The following MYH9 variants were observed in gnomAD, a reference collection of about 807,000 sequenced individuals.
MYH9 encodes the protein myosin-9.
A neutral mutation model predicts 241.9 loss-of-function variants in MYH9; 29 were observed. The ratio of observed to expected loss-of-function variants is 0.12; its 90% CI spans 0.09 to 0.16. MYH9 has a LOEUF of 0.16. MYH9 is among the 10% of genes least tolerant of loss of function. The pLI is 1.00. For missense variants in MYH9, 1,803 were observed against 2,595.5 expected (o/e 0.69, Z 6.63); for synonymous variants, 1,047 against 1,062.6 (o/e 0.99, Z 0.29).
chr22:36,305,226 C>T lies in MYH9; in HGVS notation c.2160-124G>A, dbSNP rs2016949745. ...AGACACAGAATTCTTTACACAAACT[C>T]TCCTAAGGAAAGAAGACACAGGCAA... On this transcript the variant is annotated intron_variant, in intron 17 of 40. Transcript: ENST00000216181. The surrounding 1 kb of genome is among the most constrained non-coding windows in gnomAD (Gnocchi z 4.7). 1.1e-6 allele frequency: 1 copy of T among 884,072 alleles called. No homozygotes were observed. Among genetic ancestry groups the T allele is most frequent in the Non-Finnish European group, 1.8e-6 (1 of 541,818 alleles). 54.8% of individuals were successfully genotyped at this position (884,072 alleles called of 1,614,324 possible).
chr22:36,324,354 G>A (rs753268111), intron 5 of MYH9, among the ~76,000 whole-genome samples: 7 of 152,248 alleles, frequency 4.6e-5, no homozygotes, highest in Admixed American at 1.3e-4. Flanking sequence ...GGTACTGTAT[G>A]AGGTTTGGGG....
chr22:36,288,152 C>T lies in MYH9; in HGVS notation c.4932+100G>A. On this transcript the variant is annotated intron_variant, in intron 34 of 40. Coordinates refer to ENST00000216181, the MANE Select transcript of MYH9 (RefSeq NM_002473.6). This position sits in a 1 kb window ranked among gnomAD's most constrained non-coding sequence, Gnocchi z 4.8. ...CCCAGGACCTTCCCAGGAGGTGCCA[C>T]CCTGCCAGGTTCCCGCCCTGGGCCG... The T allele has an allele frequency of 2.7e-6, 4 of 1,475,424 alleles. No individual in the cohort carries two copies. The highest frequency in any genetic ancestry group is 3.7e-6 in the Non-Finnish European group (4 of 1,069,434). 91.4% of individuals were successfully genotyped at this position (1,475,424 alleles called of 1,614,324 possible). A position where few individuals can be genotyped will look rare whatever the true frequency, so the allele number is the denominator to read the frequency against.
In MYH9 at chr22:36,374,652, C is replaced by T. The variant is rs539875742; in HGVS notation, c.-20+13155G>A. ...GGCCACACAACCAGAGGGCGCAGGC[C>T]GCGTTCCCAGCATCCACCCCCAAGG... On this transcript the variant is annotated intron_variant, in intron 1 of 40. Coordinates refer to ENST00000216181, the MANE Select transcript of MYH9 (RefSeq NM_002473.6). 5.9e-5 allele frequency among the ~76,000 whole-genome samples: 9 copies of T among 152,238 alleles called. No individual in the cohort carries two copies. The South Asian group carries it at 6.2e-4, about 10-fold the overall frequency.
intron 7 of MYH9, 110 bp from the exon 8 acceptor site, chr22:36,321,006 G>A (rs531558830): frequency 2.3e-5 from 19 of 820,678 alleles, no homozygotes; most frequent in Non-Finnish European, 3.0e-5. Context: ...AGGTTGGAGT[G>A]CAGTGGCATG....
Position 36,285,094 on chromosome 22 carries a change from G to C in MYH9, c.5483+27C>G, listed in dbSNP as rs760767473. The C allele has an allele frequency of 6.2e-6, 10 of 1,609,506 alleles. No individual in the cohort carries two copies. In the East Asian group the frequency reaches 1.8e-4, roughly 29 times the overall value. On this transcript the variant is annotated intron_variant, in intron 38 of 40. Transcript: ENST00000216181. This position sits in a 1 kb window ranked among gnomAD's most constrained non-coding sequence, Gnocchi z 7.0. ...GCCAGAGTTTTTTCCAGGACAGCTGGGGTTGGGCGGGGCCAGGGGCACGTA... is the reference window on the plus strand; with the variant it reads ...GCCAGAGTTTTTTCCAGGACAGCTGCGGTTGGGCGGGGCCAGGGGCACGTA...
At position 36,305,211 on chromosome 22, in the gene MYH9, T is replaced by C; in HGVS notation, c.2160-109A>G. On this transcript the variant is annotated intron_variant, in intron 17 of 40. Coordinates refer to ENST00000216181, the MANE Select transcript of MYH9 (RefSeq NM_002473.6). This position sits in a 1 kb window ranked among gnomAD's most constrained non-coding sequence, Gnocchi z 4.7. ...TTTCTACAATGCAACAGACACAGAA[T>C]TCTTTACACAAACTCTCCTAAGGAA... 2 of 984,982 alleles carry C rather than the reference T, an allele frequency of 2.0e-6. No individual in the cohort carries two copies. The highest frequency in any genetic ancestry group is 3.2e-6 in the Non-Finnish European group (2 of 625,662). The allele number at this position is 984,982 out of a possible 1,614,324, so 61.0% of individuals were successfully genotyped here.
At chr22:36,325,102 C>T (rs769584080) in intron 5 of MYH9, 2 of 774,014 alleles carry the variant, frequency 2.6e-6, no homozygotes, top group Non-Finnish European at 4.8e-6. Context: ...AACCTCACAG[C>T]TCTGTTTTTA....
At chr22:36,357,873 A>C (rs1023548065) in intron 1 of MYH9, among the ~76,000 whole-genome samples, 7 of 152,216 alleles carry the variant, frequency 4.6e-5, no homozygotes, top group Admixed American at 3.9e-4. Context: ...TGAATACCCA[A>C]TTTAAAAGTA....
chr22:36,294,204 T>A lies in MYH9; in HGVS notation c.3725A>T (p.Asp1242Val). Residue 1242 changes from aspartate to valine, a missense_variant, in exon 28 of 41, where the codon GAC becomes GTC. This residue lies in a region of MYH9 where 876 missense variants were observed against 1,077.8 expected (regional missense o/e 0.81). Coordinates refer to ENST00000216181, the MANE Select transcript of MYH9 (RefSeq NM_002473.6). Reference protein sequence around the residue: ...EVKVLLQGKGDSEHKRKKVEA... With the variant: ...EVKVLLQGKGVSEHKRKKVEA... ...CACTTTCTTGCGCTTGTGCTCCGAG[T>A]CCCCTTTGCCCTGCAGCAGCACCTT... 6.2e-7 allele frequency: 1 copy of A among 1,614,046 alleles called. No individual in the cohort carries two copies. Among genetic ancestry groups the A allele is most frequent in the African/African-American group, 1.3e-5 (1 of 75,036 alleles).
At chr22:36,368,544 A>G (rs2018044777) in intron 1 of MYH9, among the ~76,000 whole-genome samples, 1 of 152,202 alleles carries the variant, frequency 6.6e-6, no homozygotes, top group Admixed American at 6.5e-5. Flanking sequence ...AGAAGCGCAG[A>G]GGTGGACCCG....
intron 10 of MYH9, 69 bp downstream of exon 10, chr22:36,319,471 T>C (rs2017214375): frequency 1.4e-6 from 2 of 1,453,786 alleles, no homozygotes; most frequent in Non-Finnish European, 1.9e-6. Flanking sequence ...CCGCAAGACC[T>C]TCCCTCCTGA....
rs116474593 is a variant in MYH9 at position 36,365,849 on chromosome 22, A to G, written c.-19-16594T>C. 2.5e-3 allele frequency among the ~76,000 whole-genome samples: 381 copies of G among 152,092 alleles called. 3 individuals carry two copies. The highest frequency in any genetic ancestry group is 8.0e-3 in the African/African-American group (332 of 41,464). On this transcript the variant is annotated intron_variant, in intron 1 of 40. Transcript: ENST00000216181. ...ACAATGTGACATACACATGCTATTC[A>G]CTCTGATTCTTTTCCATTCAAGTCT...
At chr22:36,325,099 C>T (rs1395839554) in intron 5 of MYH9, 3 of 774,372 alleles carry the variant, frequency 3.9e-6, no homozygotes, top group Non-Finnish European at 7.2e-6. Flanking sequence ...CCTAACCTCA[C>T]AGCTCTGTTT....
At chr22:36,284,700 T>C (rs865908056) in intron 38 of MYH9, among the ~76,000 whole-genome samples, 189 bp from the exon 39 acceptor site, 3 of 152,198 alleles carry the variant, frequency 2.0e-5, no homozygotes, top group Middle Eastern at 3.4e-3. Flanking sequence ...CATTTACAGA[T>C]GAGGAAATGG....
At chr22:36,339,062 G>T (rs146137784) in intron 3 of MYH9, among the ~76,000 whole-genome samples, 1 of 152,080 alleles carries the variant, frequency 6.6e-6, no homozygotes, top group African/African-American at 2.4e-5. Context: ...GAGCTTTCAG[G>T]CCACCACCAA....
chr22:36,387,619 G>A (rs1027087629), intron 1 of MYH9, among the ~76,000 whole-genome samples, 188 bp downstream of exon 1: 5 of 151,706 alleles, frequency 3.3e-5, no homozygotes, highest in African/African-American at 7.2e-5. Context: ...GAGCGCCCGC[G>A]TGGGGGTCCC....
In MYH9 at chr22:36,285,994, G is replaced by A; in HGVS notation, c.5062-41C>T. On this transcript the variant is annotated intron_variant, in intron 35 of 40. Transcript: ENST00000216181. This position sits in a 1 kb window ranked among gnomAD's most constrained non-coding sequence, Gnocchi z 7.0. Reference sequence around the variant, plus strand: ...AGAGTGTGACCTAAAGGCAGCCACAGCCCCACAAGACCATCCTTCCCAGCC... The same window carrying A: ...AGAGTGTGACCTAAAGGCAGCCACAACCCCACAAGACCATCCTTCCCAGCC... 1 of 1,602,440 alleles carries A rather than the reference G, an allele frequency of 6.2e-7. No individual in the cohort carries two copies. The highest frequency in any genetic ancestry group is 8.5e-7 in the Non-Finnish European group (1 of 1,177,544).
chr22:36,289,564 C>T (rs1037531858), intron 31 of MYH9, among the ~76,000 whole-genome samples: 3 of 152,244 alleles, frequency 2.0e-5, no homozygotes, highest in African/African-American at 7.2e-5. Context: ...TAATCGCAAC[C>T]CTTTATGGCA....
intron 3 of MYH9, among the ~76,000 whole-genome samples, chr22:36,336,305 T>C (rs940488788): frequency 3.3e-5 from 5 of 152,214 alleles, no homozygotes; most frequent in Admixed American, 1.3e-4. Flanking sequence ...CATACACACC[T>C]TTCCCCATAG....
Sources: gnomAD v4.1 joint callset for allele counts (sites outside exome capture counted in the v4.1 genomes callset) on GRCh38, gnomAD v4.1.1 for gene constraint, gnomAD v4.1.1 regional missense constraint, Gnocchi (gnomAD v3.1) non-coding constraint, MANE v1.5 for transcripts, NCBI Gene and HGNC (gene_info 2026-07-23, HGNC 2026-07-21) for gene names.